The following SH2B1 variants were observed in gnomAD, a reference collection of about 807,000 sequenced individuals.
SH2B1 encodes SH2B adaptor protein 1.
In SH2B1, 15 loss-of-function variants were observed where a neutral mutation model predicts 62.6. The observed-to-expected ratio is 0.24, with a 90% CI of 0.16 to 0.37. The LOEUF is 0.37. SH2B1 is among the 10% of genes least tolerant of loss of function. SH2B1 has a pLI of 1.00. For missense variants in SH2B1, 925 were observed against 1,015.6 expected (o/e 0.91, Z 1.21); for synonymous variants, 443 against 438.0 (o/e 1.01, Z -0.14).
At chr16:28,860,732 G>GAC (rs1374281494), upstream of SH2B1, among the ~76,000 whole-genome samples, 2 of 151,892 alleles carry the variant, frequency 1.3e-5, no homozygotes, top group Non-Finnish European at 2.9e-5. Context: ...ATTTCCCCCC[G>GAC]ACACACACAC....
At position 28,866,197 on chromosome 16, in the gene SH2B1, C is replaced by T. The variant is rs1962678987; in HGVS notation, c.103C>T (p.Arg35Trp). Residue 35 changes from arginine to tryptophan, a missense_variant, in exon 1 of 8, where the codon CGG (arginine) becomes TGG (tryptophan). Arg to Trp is a moderately radical substitution (Grantham distance 101). Transcript: ENST00000684370. The surrounding 1 kb of genome is among the most constrained non-coding windows in gnomAD (Gnocchi z 6.3). ...GCGGGAGTTCTGTGAGTCCCACGCC[C>T]GGGCTGCGGCTCTGGACTTTGCCCG... is the stretch of plus-strand genomic sequence containing the variant. The part of the protein sequence containing the change: ...SWREFCESHA[R>W]AAALDFARRF... The T allele has an allele frequency of 6.3e-7, 1 of 1,591,354 alleles. No homozygotes were observed.
In SH2B1 at chr16:28,864,648, G is replaced by A; in HGVS notation, c.-1447G>A. On this transcript the variant is annotated 5_prime_UTR_variant, in exon 1 of 8. Coordinates refer to ENST00000684370, the MANE Select transcript of SH2B1 (RefSeq NM_001387430.1). ...TGGGGAGGCTTTCCTGAGCTGCTCT[G>A]GCCCCAGTCCTGGGGCTGTCACCTT... 6.1e-6 allele frequency: 6 copies of A among 985,432 alleles called. No individual in the cohort carries two copies. The highest frequency in any genetic ancestry group is 4.7e-5 in the South Asian group (1 of 21,278). 61.0% of individuals were successfully genotyped at this position (985,432 alleles called of 1,614,324 possible).
rs748902831 is a variant in SH2B1, at chr16:28,866,678, G to C, written c.584G>C (p.Gly195Ala). Residue 195 changes from glycine to alanine, a missense_variant, in exon 1 of 8, where the codon GGT becomes GCT. By Grantham distance (60) the Gly-to-Ala change is moderately conservative. Transcript: ENST00000684370. This position sits in a 1 kb window ranked among gnomAD's most constrained non-coding sequence, Gnocchi z 6.3. The part of the protein sequence containing the change: ...LETSSGPPVL[G>A]GNSNSNSSGG... ...ACCTCGTCAGGCCCCCCAGTCTTAG[G>C]TGGAAACAGCAACTCCAACTCCTCT... 4.2e-5 allele frequency: 67 copies of C among 1,605,858 alleles called. No individual in the cohort carries two copies. The highest frequency in any genetic ancestry group is 5.1e-5 in the Non-Finnish European group (60 of 1,175,600).
chr16:28,871,842 G>A lies in SH2B1; in HGVS notation c.1372G>A (p.Ala458Thr). Residue 458 changes from alanine to threonine, a missense_variant, in exon 5 of 8, where the codon GCC becomes ACC. By Grantham distance (58) the Ala-to-Thr change is moderately conservative (BLOSUM62 0). Around this residue, in one of 3 missense-constraint regions of SH2B1, gnomAD observed 683 missense variants for 704.0 expected, o/e 0.97. Transcript: ENST00000684370. ...ASISPSSASI[A>T]ASHFDSMELL... ...CATCTCCCCCAGCTCTGCCTCCATT[G>A]CCGCCTCCCATTTTGACTCGATGGA... The A allele has an allele frequency of 6.2e-7, 1 of 1,613,468 alleles. No homozygotes were observed. The highest frequency in any genetic ancestry group is 2.2e-5 in the East Asian group (1 of 44,862).
chr16:28,869,420 A>G, intron 4 of SH2B1, 37 bp downstream of exon 4: 1 of 1,585,566 alleles, frequency 6.3e-7, no homozygotes, highest in Non-Finnish European at 8.6e-7. Context: ...GAGCCTCGGA[A>G]CCTGCCATGC....
At position 28,873,615 on chromosome 16, in the gene SH2B1, C is replaced by G. The variant is rs1235077749; in HGVS notation, c.2066C>G (p.Pro689Arg). The G allele has an allele frequency of 1.3e-6, 2 of 1,547,446 alleles. No homozygotes were observed. Among genetic ancestry groups the G allele is most frequent in the Non-Finnish European group, 1.7e-6 (2 of 1,145,552 alleles). ...EKEKAGGGGV[P>R]EELVPVVELV... Reference sequence around the variant, plus strand: ...GAGAAAGCGGGCGGTGGAGGGGTCCCGGAAGAGCTGGTCCCCGTGGTTGAG... The same window carrying G: ...GAGAAAGCGGGCGGTGGAGGGGTCCGGGAAGAGCTGGTCCCCGTGGTTGAG... The change falls in exon 8 of 8, where the codon CCG becomes CGG. Residue 689 changes from proline to arginine, a missense_variant. Physicochemically the swap from Pro to Arg is moderately radical, Grantham distance 103. Transcript: ENST00000684370. The surrounding 1 kb of genome is among the most constrained non-coding windows in gnomAD (Gnocchi z 4.2).
chr16:28,859,929 T>C (rs185247753), upstream of SH2B1, among the ~76,000 whole-genome samples: 1 of 145,344 alleles, frequency 6.9e-6, no homozygotes, highest in Non-Finnish European at 1.5e-5. Context: ...CTAGTAGTTA[T>C]AGCGGAAAGC....
exon 1 of SH2B1, chr16:28,846,747 G>C (rs1291948872): frequency 6.2e-6 from 1 of 161,754 alleles, no homozygotes; most frequent in African/African-American, 2.4e-5. Context: ...GGGCCCGGCA[G>C]AGAGAGACCC....
chr16:28,869,662 C>T (rs564558419), intron 4 of SH2B1, among the ~76,000 whole-genome samples: 5 of 152,322 alleles, frequency 3.3e-5, no homozygotes, highest in Admixed American at 3.3e-4. Flanking sequence ...AGCCACCGCT[C>T]TGGCTGGAAA....
chr16:28,868,996 A>G lies in SH2B1; in HGVS notation c.1042-10A>G. 3.7e-6 allele frequency: 6 copies of G among 1,612,050 alleles called. No homozygotes were observed. Among genetic ancestry groups the G allele is most frequent in the Non-Finnish European group, 5.1e-6 (6 of 1,178,076 alleles). On this transcript the variant is annotated splice_polypyrimidine_tract_variant and intron_variant, in intron 2 of 7. Transcript: ENST00000684370. ...CCTGCCCCAGCTGAGGCGTCGTCTC[A>G]TCTCTGTAGGTGGAAGGTCCATCCG...
At chr16:28,863,312 A>C (rs994804890), upstream of SH2B1, 1 of 196,416 alleles carries the variant, frequency 5.1e-6, no homozygotes. Flanking sequence ...AAACTCCTGG[A>C]CCGCCTGCCC....
intron 4 of SH2B1, among the ~76,000 whole-genome samples, chr16:28,870,010 A>G (rs1347733878): frequency 6.6e-6 from 1 of 152,238 alleles, no homozygotes; most frequent in African/African-American, 2.4e-5. Context: ...GCATCTCATC[A>G]GATCTTAGTA....
In SH2B1 at chr16:28,872,758, G is replaced by GGT; in HGVS notation, c.1897+61_1897+62dup. On this transcript the variant is annotated intron_variant, in intron 7 of 7. Transcript: ENST00000684370. This position sits in a 1 kb window ranked among gnomAD's most constrained non-coding sequence, Gnocchi z 5.3. ...AGGTGCCCGTGCACCCAAGAAGTGA[G>GGT]GTGTGTGTGCCAGAAAGATGGGGCG... is the stretch of plus-strand genomic sequence containing the variant. 6.2e-7 allele frequency: 1 copy of GGT among 1,606,742 alleles called. No individual in the cohort carries two copies.
At chr16:28,869,506 C>T in intron 4 of SH2B1, 123 bp downstream of exon 4, 2 of 812,704 alleles carry the variant, frequency 2.5e-6, no homozygotes, top group South Asian at 3.6e-5. Flanking sequence ...GATGCCCTAC[C>T]CCAACCCCAC....
At chr16:28,861,967 G>A (rs1962458176), upstream of SH2B1, among the ~76,000 whole-genome samples, 1 of 152,228 alleles carries the variant, frequency 6.6e-6, no homozygotes, top group Non-Finnish European at 1.5e-5. Flanking sequence ...CTGCCTGAGG[G>A]TGAAGCCAAA....
intron 4 of SH2B1, 98 bp from the exon 5 acceptor site, chr16:28,871,682 C>T: frequency 1.0e-6 from 1 of 973,478 alleles, no homozygotes; most frequent in Middle Eastern, 2.1e-4. Flanking sequence ...TGGCCAGCGA[C>T]TGCACACAGG....
At position 28,863,981 on chromosome 16, in the gene SH2B1, C is replaced by T. The variant is rs1228975706; in HGVS notation, c.-2114C>T. 3 of 1,423,662 alleles carry T rather than the reference C, an allele frequency of 2.1e-6. No individual in the cohort carries two copies. Among genetic ancestry groups the T allele is most frequent in the Non-Finnish European group, 9.1e-7 (1 of 1,093,228 alleles). 88.2% of individuals were successfully genotyped at this position (1,423,662 alleles called of 1,614,324 possible). Reference sequence around the variant, plus strand: ...AACCGGAACCCCCCTCTTCAAGTACCTTTTCCCTCTCCGCGACCCGGCCCT... The same window carrying T: ...AACCGGAACCCCCCTCTTCAAGTACTTTTTCCCTCTCCGCGACCCGGCCCT... On this transcript the variant is annotated 5_prime_UTR_variant, in exon 1 of 8. Coordinates refer to ENST00000684370, the MANE Select transcript of SH2B1 (RefSeq NM_001387430.1).
intron 1 of SH2B1, among the ~76,000 whole-genome samples, chr16:28,852,995 T>TATATATGTACATATATATTTTATATGTAC (rs1567459537): frequency 2.5e-5 from 1 of 39,810 alleles, no homozygotes; most frequent in Non-Finnish European, 4.8e-5. Context: ...TATATGTACA[T>TATATATGTACATATATATTTTATATGTAC]ATATATGTAC....
In SH2B1 at chr16:28,873,475, G is replaced by T; in HGVS notation, c.1926G>T (p.Gln642His). Reference protein sequence around the residue: ...QEPTTSHDPPQPPEPPSWTDP... With the variant: ...QEPTTSHDPPHPPEPPSWTDP... ...CGACCACCTCCCATGACCCACCCCA[G>T]CCCCCTGAACCCCCTTCATGGACAG... is the stretch of plus-strand genomic sequence containing the variant. Residue 642 changes from glutamine (Q) to histidine (H), a missense_variant, in exon 8 of 8, where the codon CAG (glutamine) becomes CAT (histidine). Gln to His is a conservative substitution (Grantham distance 24). This residue lies in a region of SH2B1 where 185 missense variants were observed against 189.5 expected (regional missense o/e 0.98). Coordinates refer to ENST00000684370, the MANE Select transcript of SH2B1 (RefSeq NM_001387430.1). This position sits in a 1 kb window ranked among gnomAD's most constrained non-coding sequence, Gnocchi z 4.2. The T allele has an allele frequency of 6.6e-7, 1 of 1,513,680 alleles. No homozygotes were observed. The allele number at this position is 1,513,680 out of a possible 1,614,324, so 93.8% of individuals were successfully genotyped here. A position where few individuals can be genotyped will look rare whatever the true frequency, so the allele number is the denominator to read the frequency against.
Sources: gnomAD v4.1 joint callset for allele counts (sites outside exome capture counted in the v4.1 genomes callset) on GRCh38, gnomAD v4.1.1 for gene constraint, gnomAD v4.1.1 regional missense constraint, Gnocchi (gnomAD v3.1) non-coding constraint, MANE v1.5 for transcripts, NCBI Gene and HGNC (gene_info 2026-07-23, HGNC 2026-07-21) for gene names.